Variants in ABCG2 observed in about 807,000 individuals in gnomAD.
The protein encoded by ABCG2 is broad substrate specificity ATP-binding cassette transporter ABCG2.
ABCG2 carries 80 observed loss-of-function variants against 73.5 expected under a neutral mutation model. The observed-to-expected ratio is 1.09, with a 90% CI of 0.91 to 1.31. The LOEUF (loss-of-function observed/expected upper bound fraction) is 1.31, where lower values mean the gene tolerates loss of function less well. Among genes scored for constraint, ABCG2 ranks in the 50% most tolerant of loss-of-function variants. The pLI is 0.00. For synonymous variants in ABCG2, 269 were observed against 282.4 expected (o/e 0.95, Z 0.48); for missense variants, 796 against 786.2 (o/e 1.01, Z -0.15).
chr4:88,139,863 G>C lies in ABCG2; in HGVS notation c.133C>G (p.Arg45Gly), dbSNP rs761288842. 1 of 1,614,094 alleles carries C rather than the reference G, an allele frequency of 6.2e-7. No individual in the cohort carries two copies. The highest frequency in any genetic ancestry group is 8.5e-7 in the Non-Finnish European group (1 of 1,180,008). ...AVLSFHNICY[R>G]VKLKSGFLPC... is the part of the protein sequence containing the mutation. ...AGAAAGCCACTCTTCAGTTTTACTCGATAGCAGATGTTATGAAAACTTAAC... is the reference window on the plus strand; with the variant it reads ...AGAAAGCCACTCTTCAGTTTTACTCCATAGCAGATGTTATGAAAACTTAAC... The change falls in exon 2 of 16, where the codon CGA becomes GGA. Residue 45 changes from arginine to glycine, a missense_variant. Transcript: ENST00000237612.
intron 14 of ABCG2, among the ~76,000 whole-genome samples, chr4:88,095,001 T>G (rs1190312032): frequency 6.6e-6 from 1 of 152,244 alleles, no homozygotes; most frequent in African/African-American, 2.4e-5. Context: ...TGAGTATTGT[T>G]AATTTACAGT....
chr4:88,158,692 C>CCG (rs1560726423), upstream of ABCG2: 1 of 455,916 alleles, frequency 2.2e-6, no homozygotes, highest in Non-Finnish European at 4.4e-6. Context: ...AGCACGCAGC[C>CCG]CGCGCGCGGC....
chr4:88,103,137 G>A (rs981740099), intron 10 of ABCG2, among the ~76,000 whole-genome samples: 2 of 152,140 alleles, frequency 1.3e-5, no homozygotes, highest in Admixed American at 6.5e-5. Flanking sequence ...GCCAGGCCTG[G>A]TAGACATGCA....
intron 1 of ABCG2, among the ~76,000 whole-genome samples, chr4:88,176,165 TTTC>T (rs1329560605): frequency 6.6e-6 from 1 of 151,822 alleles, no homozygotes; most frequent in Non-Finnish European, 1.5e-5. Flanking sequence ...TTGTTTTTTT[TTTC>T]TTTTTTTGTG....
chr4:88,114,149 T>G (rs964750811), intron 8 of ABCG2, among the ~76,000 whole-genome samples: 2 of 151,090 alleles, frequency 1.3e-5, no homozygotes, highest in African/African-American at 4.9e-5. Context: ...TAAAAATAAA[T>G]AAAGTAAGTA....
chr4:88,103,025 C>A (rs1722543334), intron 10 of ABCG2, among the ~76,000 whole-genome samples: 1 of 152,150 alleles, frequency 6.6e-6, no homozygotes, highest in African/African-American at 2.4e-5. Context: ...GCAATCCTCC[C>A]AGCTTGGCCT....
intron 5 of ABCG2, among the ~76,000 whole-genome samples, chr4:88,127,578 T>C (rs1053602935): frequency 6.6e-6 from 1 of 152,054 alleles, no homozygotes; most frequent in Admixed American, 6.6e-5. Flanking sequence ...AACAGATATA[T>C]AGACCAATGG....
chr4:88,163,349 A>G (rs1393538293), upstream of ABCG2, among the ~76,000 whole-genome samples: 1 of 152,250 alleles, frequency 6.6e-6, no homozygotes. Context: ...AAAGGAATAT[A>G]GCTAGAGGCT....
At chr4:88,197,617 AAAATT>A (rs1258629949) in intron 1 of ABCG2, among the ~76,000 whole-genome samples, 17 of 152,146 alleles carry the variant, frequency 1.1e-4, no homozygotes, top group South Asian at 6.2e-4. Context: ...ACCCTGTCTC[AAAATT>A]AAATTAAATT....
rs572457451 is a variant in ABCG2, at chr4:88,194,284, C to CT, written c.-20+36709dup. 5.3e-5 allele frequency among the ~76,000 whole-genome samples: 8 copies of CT among 151,686 alleles called. No individual in the cohort carries two copies. The South Asian group carries it at 1.7e-3, about 32-fold the overall frequency. On this transcript the variant is annotated intron_variant, in intron 1 of 15. Transcript: ENST00000515655. ...GTGTGGGTGCGGCCGGGCACTGTGG[C>CT]TCACGCCTGTAATCTCAGCACTTTG... is the stretch of plus-strand genomic sequence containing the variant.
At chr4:88,126,513 A>G (rs948769677) in intron 5 of ABCG2, among the ~76,000 whole-genome samples, 2 of 152,220 alleles carry the variant, frequency 1.3e-5, no homozygotes, top group African/African-American at 4.8e-5. Flanking sequence ...ATCAACATCA[A>G]TGTGAATATC....
chr4:88,107,329 A>C, intron 9 of ABCG2, 63 bp from the exon 10 acceptor site: 1 of 1,090,980 alleles, frequency 9.2e-7, no homozygotes. Context: ...AAACTTATAC[A>C]CACCATTTAT....
intron 1 of ABCG2, among the ~76,000 whole-genome samples, chr4:88,167,794 C>G (rs574895391): frequency 6.6e-6 from 1 of 152,172 alleles, no homozygotes; most frequent in South Asian, 2.1e-4. Flanking sequence ...CAGATCAGTA[C>G]CTAGATTAGT....
At chr4:88,145,442 C>T (rs527356560) in intron 1 of ABCG2, among the ~76,000 whole-genome samples, 3 of 152,150 alleles carry the variant, frequency 2.0e-5, no homozygotes, top group Admixed American at 6.5e-5. Context: ...AGGCCCAAAG[C>T]CTGCTTGTAT....
At chr4:88,160,244 G>GAA (rs45587736), upstream of ABCG2, among the ~76,000 whole-genome samples, 81 of 139,626 alleles carry the variant, frequency 5.8e-4, no homozygotes, top group Non-Finnish European at 4.3e-4. Context: ...TCTGTCTCAA[G>GAA]AAAAAAAAAA....
At chr4:88,146,866 C>CA (rs1309149043) in intron 1 of ABCG2, among the ~76,000 whole-genome samples, 8 of 110,606 alleles carry the variant, frequency 7.2e-5, no homozygotes, top group African/African-American at 2.5e-4. Context: ...GTAACCCTGT[C>CA]AAAAAGAAAG....
intron 10 of ABCG2, among the ~76,000 whole-genome samples, chr4:88,104,471 C>T (rs1722642091): frequency 6.6e-6 from 1 of 152,088 alleles, no homozygotes; most frequent in South Asian, 2.1e-4. Flanking sequence ...TTAACATAGT[C>T]CAAATGCTTA....
chr4:88,184,287 A>G (rs1728365533), intron 1 of ABCG2, among the ~76,000 whole-genome samples: 1 of 152,172 alleles, frequency 6.6e-6, no homozygotes, highest in Non-Finnish European at 1.5e-5. Flanking sequence ...TTGGCAGATG[A>G]TATGATCCCA....
At chr4:88,151,572 A>G (rs1726482634) in intron 1 of ABCG2, among the ~76,000 whole-genome samples, 1 of 152,108 alleles carries the variant, frequency 6.6e-6, no homozygotes, top group South Asian at 2.1e-4. Context: ...CCCCATCTCT[A>G]CTAAAAATAC....
Sources: gnomAD v4.1 joint callset for allele counts (sites outside exome capture counted in the v4.1 genomes callset) on GRCh38, gnomAD v4.1.1 for gene constraint, MANE v1.5 for transcripts, NCBI Gene and HGNC (gene_info 2026-07-23, HGNC 2026-07-21) for gene names.